LRCH1: variants seen among roughly 807,000 people sequenced by gnomAD.
LRCH1 encodes leucine-rich repeat and calponin homology domain-containing protein 1.
Under a neutral mutation model 94.9 loss-of-function variants are expected in LRCH1, and 23 were observed. The ratio of observed to expected loss-of-function variants is 0.24; its 90% CI spans 0.17 to 0.34. The LOEUF is 0.34. LRCH1 is among the 10% of genes least tolerant of loss of function. The pLI is 1.00. For missense variants in LRCH1, 790 were observed against 945.9 expected (o/e 0.84, Z 2.16); for synonymous variants, 364 against 354.9 (o/e 1.03, Z -0.29).
At position 46,743,192 on chromosome 13, in the gene LRCH1, TC is replaced by T. The variant is rs1323978415; in HGVS notation, c.*1345del. 1 of 985,682 alleles carries T rather than the reference TC, an allele frequency of 1.0e-6. No homozygotes were observed. Among genetic ancestry groups the T allele is most frequent in the Admixed American group, 6.1e-5 (1 of 16,262 alleles). 61.1% of individuals were successfully genotyped at this position (985,682 alleles called of 1,614,324 possible). A position where few individuals can be genotyped will look rare whatever the true frequency, so the allele number is the denominator to read the frequency against. On this transcript the variant is annotated 3_prime_UTR_variant, in exon 20 of 20. Transcript: ENST00000389797. ...TCTAGTTTATTAAGATGCAAACAGC[TC>T]TCATAGATGGCTACTACGAAGAAAA...
Position 46,693,298 on chromosome 13 carries a change from G to C in LRCH1, c.1120+657G>C, listed in dbSNP as rs11619724. The stretch of plus-strand genomic sequence containing the variant: ...TGATTGGCAGACAACTCCCCTCTGA[G>C]TATTGATTTAAGGACCCAAGCTCCT... On this transcript the variant is annotated intron_variant, in intron 8 of 19. Transcript: ENST00000389797. Among the ~76,000 whole-genome samples the C allele has an allele frequency of 1.5e-3, 233 of 152,304 alleles. 2 individuals are homozygous for C. Among genetic ancestry groups the C allele is most frequent in the Admixed American group, 4.5e-3 (69 of 15,304 alleles).
At chr13:46,599,771 CTG>C (rs945833416) in intron 1 of LRCH1, among the ~76,000 whole-genome samples, 1 of 152,172 alleles carries the variant, frequency 6.6e-6, no homozygotes, top group African/African-American at 2.4e-5. Flanking sequence ...TACCTTAGAA[CTG>C]TGGCCACAGC....
rs1034417702 is a variant in LRCH1 at position 46,744,844 on chromosome 13, A to G, written c.*2996A>G. ...TATTTCAGGAGACTTGATTTTTAAA[A>G]ATTAGGCTTCGTATTTCAAAATTAG... is the stretch of plus-strand genomic sequence containing the variant. On this transcript the variant is annotated 3_prime_UTR_variant, in exon 20 of 20. Coordinates refer to ENST00000389797, the MANE Select transcript of LRCH1 (RefSeq NM_001164211.2). 3 of 984,142 alleles carry G rather than the reference A, an allele frequency of 3.0e-6. No individual in the cohort carries two copies. The East Asian group carries it at 3.4e-4, about 112-fold the overall frequency. The allele number at this position is 984,142 out of a possible 1,614,324, so 61.0% of individuals were successfully genotyped here.
intron 9 of LRCH1, among the ~76,000 whole-genome samples, chr13:46,696,216 A>G (rs1299876654): frequency 1.3e-5 from 2 of 151,620 alleles, no homozygotes; most frequent in African/African-American, 4.8e-5. Context: ...ACACACACAC[A>G]CACACACACA....
intron 18 of LRCH1, among the ~76,000 whole-genome samples, chr13:46,733,226 A>G (rs186826118): frequency 2.2e-3 from 339 of 152,302 alleles, no homozygotes; most frequent in Middle Eastern, 6.8e-3. Context: ...GTAAAAAAGT[A>G]TAGTATATTA....
chr13:46,602,726 G>A (rs575361383), intron 1 of LRCH1, among the ~76,000 whole-genome samples: 41 of 152,292 alleles, frequency 2.7e-4, no homozygotes, highest in African/African-American at 9.4e-4. Flanking sequence ...GCCGAGTTGG[G>A]TGGAACACTT....
chr13:46,595,868 T>TTC (rs1555271285), intron 1 of LRCH1, among the ~76,000 whole-genome samples: 3 of 3,956 alleles, frequency 7.6e-4, no homozygotes, highest in African/African-American at 4.5e-3. Context: ...CCTCACATTG[T>TTC]TTTTTTTTTT....
At chr13:46,651,957 G>A (rs1186069104) in intron 2 of LRCH1, among the ~76,000 whole-genome samples, 2 of 133,312 alleles carry the variant, frequency 1.5e-5, no homozygotes, top group Admixed American at 7.5e-5. Context: ...GCGCGATCTC[G>A]GCTCACTGCA....
chr13:46,571,879 T>G (rs1281757239), intron 1 of LRCH1, among the ~76,000 whole-genome samples: 4 of 151,706 alleles, frequency 2.6e-5, no homozygotes, highest in Non-Finnish European at 4.4e-5. Flanking sequence ...GGTATGTGTG[T>G]GTGAGAGAGA....
chr13:46,613,399 GA>G (rs1185161650), intron 1 of LRCH1, among the ~76,000 whole-genome samples: 2 of 145,776 alleles, frequency 1.4e-5, no homozygotes, highest in Admixed American at 6.9e-5. Context: ...AAAAAAAAAA[GA>G]AAAAAAGATT....
chr13:46,629,210 A>G (rs1322558262), intron 1 of LRCH1, among the ~76,000 whole-genome samples: 3 of 152,214 alleles, frequency 2.0e-5, no homozygotes, highest in African/African-American at 4.8e-5. Flanking sequence ...TAAAACCAGC[A>G]TAGAGGCCTC....
At chr13:46,651,559 G>A (rs2138081185) in intron 2 of LRCH1, among the ~76,000 whole-genome samples, 1 of 151,886 alleles carries the variant, frequency 6.6e-6, no homozygotes, top group Admixed American at 6.5e-5. Flanking sequence ...ACTCAACGAA[G>A]CTGAGGCAGG....
At chr13:46,721,626 C>A (rs138419760) in intron 16 of LRCH1, among the ~76,000 whole-genome samples, 28 of 152,274 alleles carry the variant, frequency 1.8e-4, no homozygotes, top group Non-Finnish European at 1.5e-4. Context: ...ATTGGTTCTA[C>A]GTCCTGTGAG....
At chr13:46,619,307 C>T (rs9316216) in intron 1 of LRCH1, among the ~76,000 whole-genome samples, 109,257 of 151,970 alleles carry the variant, frequency 0.72, 39,401 homozygotes, top group Middle Eastern at 0.81. Flanking sequence ...GATGGGGTTT[C>T]GCCACATTGG....
At chr13:46,741,393 C>T (rs980074911) in intron 19 of LRCH1, among the ~76,000 whole-genome samples, 1 of 152,130 alleles carries the variant, frequency 6.6e-6, no homozygotes, top group Non-Finnish European at 1.5e-5. Flanking sequence ...CAGAACAGGC[C>T]GTTCCTCCAT....
chr13:46,746,467 C>A (rs190511679), downstream of LRCH1, among the ~76,000 whole-genome samples: 1 of 152,060 alleles, frequency 6.6e-6, no homozygotes, highest in Non-Finnish European at 1.5e-5. Flanking sequence ...TCTTCAAAGG[C>A]GGTCAGAAGC....
intron 2 of LRCH1, among the ~76,000 whole-genome samples, chr13:46,655,099 A>T (rs2051353379): frequency 6.6e-6 from 1 of 152,230 alleles, no homozygotes; most frequent in Non-Finnish European, 1.5e-5. Context: ...ATTTCAGCTG[A>T]GTAAACAGCC....
chr13:46,743,588 G>A lies in LRCH1; in HGVS notation c.*1740G>A, dbSNP rs1873773945. 16 of 985,712 alleles carry A rather than the reference G, an allele frequency of 1.6e-5. No homozygotes were observed. Among genetic ancestry groups the A allele is most frequent in the Non-Finnish European group, 1.8e-5 (15 of 829,904 alleles). 61.1% of individuals were successfully genotyped at this position (985,712 alleles called of 1,614,324 possible). On this transcript the variant is annotated 3_prime_UTR_variant, in exon 20 of 20. Transcript: ENST00000389797. ...ATAAATTGCTTAATAAACACATTTT[G>A]GGTGATTATTCCAAGTTTTTATCAG...
At chr13:46,727,005 CA>C (rs1243386645) in intron 17 of LRCH1, among the ~76,000 whole-genome samples, 1 of 151,750 alleles carries the variant, frequency 6.6e-6, no homozygotes, top group East Asian at 1.9e-4. Context: ...AAACTGTAGG[CA>C]AAAAAGACAA....
Sources: gnomAD v4.1 joint callset for allele counts (sites outside exome capture counted in the v4.1 genomes callset) on GRCh38, gnomAD v4.1.1 for gene constraint, MANE v1.5 for transcripts, NCBI Gene and HGNC (gene_info 2026-07-23, HGNC 2026-07-21) for gene names.